Variants in CADM2 observed in about 807,000 individuals in gnomAD.
CADM2 encodes the protein immunoglobulin superfamily member 4D.
A neutral mutation model predicts 49.8 loss-of-function variants in CADM2; 12 were observed. That is an observed-to-expected ratio of 0.24 (90% CI 0.15 to 0.39). The LOEUF (loss-of-function observed/expected upper bound fraction) is 0.39. Ranked by LOEUF, CADM2 falls within the 10% of genes least tolerant of loss-of-function variation. The probability of loss-of-function intolerance (pLI) is 1.00; values close to 1 mark genes in which losing one functional copy is unlikely to be tolerated. For synonymous variants in CADM2, 214 were observed against 175.4 expected, an observed-to-expected ratio of 1.22 and a Z score of -1.74; for missense variants, 378 against 492.3, an observed-to-expected ratio of 0.77 and a Z score of 2.20.
At chr3:85,999,690 A>T (rs1729924804) in intron 8 of CADM2, among the ~76,000 whole-genome samples, 1 of 151,980 alleles carries the variant, frequency 6.6e-6, no homozygotes, top group African/African-American at 2.4e-5. Context: ...AAAGAAAAGA[A>T]AGAATGAAAG....
At chr3:85,490,322 G>T (rs1007975052) in intron 1 of CADM2, among the ~76,000 whole-genome samples, 1 of 151,858 alleles carries the variant, frequency 6.6e-6, no homozygotes, top group Non-Finnish European at 1.5e-5. Flanking sequence ...CCCCTGTGTC[G>T]GCTGCACAAT....
At chr3:85,940,147 C>T in intron 7 of CADM2, among the ~76,000 whole-genome samples, 1 of 122,782 alleles carries the variant, frequency 8.1e-6, no homozygotes, top group African/African-American at 3.0e-5. Context: ...GGTGAAACCC[C>T]ATCTCTACTA....
chr3:85,853,133 T>G (rs1271476449), intron 3 of CADM2, among the ~76,000 whole-genome samples: 1 of 151,556 alleles, frequency 6.6e-6, no homozygotes, highest in Non-Finnish European at 1.5e-5. Context: ...AGCATTGTCA[T>G]TAGAACATTA....
chr3:84,966,010 C>T (rs956831869), intron 1 of CADM2, among the ~76,000 whole-genome samples: 2 of 152,228 alleles, frequency 1.3e-5, no homozygotes, highest in Non-Finnish European at 1.5e-5. Context: ...AAGGAACTAA[C>T]GTAGCTTTGT....
intron 1 of CADM2, among the ~76,000 whole-genome samples, chr3:85,304,591 C>T (rs1052714930): frequency 6.6e-6 from 1 of 151,668 alleles, no homozygotes; most frequent in African/African-American, 2.4e-5. Flanking sequence ...AGGAAAAGGA[C>T]GGAATATAAA....
At chr3:85,805,360 A>G (rs1000257095) in intron 3 of CADM2, 1 of 152,192 alleles carries the variant, frequency 6.6e-6, no homozygotes, top group Non-Finnish European at 1.5e-5. Context: ...TTTTGATACT[A>G]TGCTTTTTCT....
chr3:85,442,413 G>T (rs1201777448), intron 1 of CADM2, among the ~76,000 whole-genome samples: 2 of 151,604 alleles, frequency 1.3e-5, no homozygotes, highest in African/African-American at 2.4e-5. Context: ...ATCCTGCAAA[G>T]ATGTCAAGGG....
chr3:85,082,796 C>T (rs1228754791), intron 1 of CADM2, among the ~76,000 whole-genome samples: 3 of 152,066 alleles, frequency 2.0e-5, no homozygotes, highest in Non-Finnish European at 4.4e-5. Context: ...TCTGAAAGAA[C>T]AAAGGCATAT....
intron 3 of CADM2, among the ~76,000 whole-genome samples, chr3:85,853,128 T>C (rs1033924583): frequency 6.6e-6 from 1 of 151,542 alleles, no homozygotes; most frequent in African/African-American, 2.4e-5. Flanking sequence ...CTGCCAGCAT[T>C]GTCATTAGAA....
intron 8 of CADM2, among the ~76,000 whole-genome samples, chr3:86,054,110 A>G (rs2107342447): frequency 6.6e-6 from 1 of 152,166 alleles, no homozygotes; most frequent in South Asian, 2.1e-4. Context: ...TACATGAAAA[A>G]GCAATCAGAG....
chr3:85,529,465 G>A (rs926496418), intron 1 of CADM2, among the ~76,000 whole-genome samples: 1 of 152,128 alleles, frequency 6.6e-6, no homozygotes, highest in Non-Finnish European at 1.5e-5. Context: ...TTAATTCCCA[G>A]CATATGAAAG....
intron 3 of CADM2, among the ~76,000 whole-genome samples, chr3:85,880,139 G>C (rs1052613133): frequency 1.3e-5 from 2 of 152,050 alleles, no homozygotes; most frequent in Non-Finnish European, 1.5e-5. Flanking sequence ...CTTTGTGTGC[G>C]TTTCTTAGTG....
At chr3:85,336,514 G>A (rs564650033) in intron 1 of CADM2, among the ~76,000 whole-genome samples, 1 of 151,342 alleles carries the variant, frequency 6.6e-6, no homozygotes, top group East Asian at 1.9e-4. Context: ...TTTTCATAAA[G>A]GGTGATTCAA....
intron 1 of CADM2, among the ~76,000 whole-genome samples, chr3:85,359,867 C>T (rs1671159194): frequency 6.7e-6 from 1 of 150,364 alleles, no homozygotes; most frequent in South Asian, 2.1e-4. Flanking sequence ...TAAAATTAAA[C>T]TAAATTACTA....
chr3:85,126,038 T>G (rs1299682319), intron 1 of CADM2, among the ~76,000 whole-genome samples: 1 of 152,202 alleles, frequency 6.6e-6, no homozygotes, highest in Non-Finnish European at 1.5e-5. Flanking sequence ...TATGATATCA[T>G]ATATACATTA....
chr3:85,658,807 T>C (rs929641700), intron 1 of CADM2, among the ~76,000 whole-genome samples: 1 of 150,112 alleles, frequency 6.7e-6, no homozygotes, highest in South Asian at 2.1e-4. Context: ...TTCCAGTGCT[T>C]TGAGAGACTG....
Position 85,802,088 on chromosome 3 carries a change from G to T in CADM2, c.130G>T (p.Val44Phe). The change falls in exon 3 of 10, where the codon GTT becomes TTT. Residue 44 changes from valine (V) to phenylalanine (F), a missense_variant. By Grantham distance (50) the Val-to-Phe change is conservative. Coordinates refer to ENST00000383699, the MANE Select transcript of CADM2 (RefSeq NM_001167675.2). Reference sequence around the variant, plus strand: ...TCCACTAACACAGAATGTAACCGTTGTTGAAGGTGGAACTGCAATTTTGAC... The same window carrying T: ...TCCACTAACACAGAATGTAACCGTTTTTGAAGGTGGAACTGCAATTTTGAC... Reference protein sequence around the residue: ...QFPLTQNVTVVEGGTAILTCR... With the variant: ...QFPLTQNVTVFEGGTAILTCR... 1.2e-6 allele frequency: 2 copies of T among 1,612,980 alleles called. No individual in the cohort carries two copies. Among genetic ancestry groups the T allele is most frequent in the Non-Finnish European group, 1.7e-6 (2 of 1,179,362 alleles).
intron 1 of CADM2, among the ~76,000 whole-genome samples, chr3:85,264,072 T>C (rs1367499874): frequency 6.6e-6 from 1 of 152,098 alleles, no homozygotes; most frequent in Admixed American, 6.6e-5. Flanking sequence ...TTATCGTTCA[T>C]TATGAAAATA....
chr3:85,904,043 A>C (rs1716474962), intron 5 of CADM2, among the ~76,000 whole-genome samples: 1 of 152,092 alleles, frequency 6.6e-6, no homozygotes, highest in Non-Finnish European at 1.5e-5. Context: ...TCTAAACACA[A>C]GGGCTTTCTT....
Sources: allele counts gnomAD v4.1 joint callset (sites outside exome capture counted in the v4.1 genomes callset), GRCh38; gene constraint gnomAD v4.1.1; transcripts MANE v1.5; gene names NCBI Gene and HGNC (gene_info 2026-07-23, HGNC 2026-07-21).